HLTF: variants seen among roughly 807,000 people sequenced by gnomAD.
HLTF encodes the protein helicase like transcription factor.
In HLTF, 127 loss-of-function variants were observed where a neutral mutation model predicts 129.4. The ratio of observed to expected loss-of-function variants is 0.98; its 90% CI spans 0.85 to 1.14. The LOEUF is 1.14. HLTF is among the 50% of genes most tolerant of loss of function. HLTF has a pLI of 0.00. For synonymous variants in HLTF, 332 were observed against 388.8 expected (o/e 0.85, Z 1.72); for missense variants, 1,139 against 1,187.1 (o/e 0.96, Z 0.60).
intron 8 of HLTF, among the ~76,000 whole-genome samples, 193 bp downstream of exon 8, chr3:149,068,047 C>T (rs905924448): frequency 1.3e-5 from 2 of 152,086 alleles, no homozygotes; most frequent in African/African-American, 2.4e-5. Context: ...GGCAACAGAG[C>T]CACACCTTGT....
chr3:149,076,743 AAC>A (rs1193507887), intron 2 of HLTF, among the ~76,000 whole-genome samples: 1 of 152,190 alleles, frequency 6.6e-6, no homozygotes, highest in Non-Finnish European at 1.5e-5. Flanking sequence ...GAAGGAGGGT[AAC>A]ACAATAAAGA....
At position 149,071,465 on chromosome 3, in the gene HLTF, G is replaced by A. The variant is rs1576616714; in HGVS notation, c.703-22C>T. 2.5e-6 allele frequency: 4 copies of A among 1,579,048 alleles called. No individual in the cohort carries two copies. The East Asian group carries it at 9.0e-5, about 35-fold the overall frequency. ...TAGCCTATAAATAAAAAGTCATAAA[G>A]CGAAATACATTAAGCCATTCCTTTT... On this transcript the variant is annotated intron_variant, in intron 6 of 24. Transcript: ENST00000310053.
At chr3:149,066,486 C>CTACTTATG (rs1211564714) in intron 8 of HLTF, among the ~76,000 whole-genome samples, 2 of 150,788 alleles carry the variant, frequency 1.3e-5, no homozygotes, top group Non-Finnish European at 2.9e-5. Flanking sequence ...ATATTTCAGT[C>CTACTTATG]TACTTATGTT....
At position 149,071,467 on chromosome 3, in the gene HLTF, G is replaced by A. The variant is rs140156548; in HGVS notation, c.703-24C>T. 5,976 of 1,570,924 alleles carry A rather than the reference G, an allele frequency of 3.8e-3. 28 individuals carry two copies. The highest frequency in any genetic ancestry group is 4.6e-3 in the African/African-American group (341 of 73,626). ...GCCTATAAATAAAAAGTCATAAAGC[G>A]AAATACATTAAGCCATTCCTTTTTC... On this transcript the variant is annotated intron_variant, in intron 6 of 24. Coordinates refer to ENST00000310053, the MANE Select transcript of HLTF (RefSeq NM_003071.4).
rs1462916228 is a variant in HLTF, at chr3:149,032,442, AAATG to A, written c.2878-74_2878-71del. ...ATTTAAAATCTTTATTAAAAAAACTAAATGAAAGATTTGCCTAATGGCAAAAACC... is the reference window on the plus strand; with the variant it reads ...ATTTAAAATCTTTATTAAAAAAACTAAAAGATTTGCCTAATGGCAAAAACC... On this transcript the variant is annotated intron_variant, in intron 24 of 24. Coordinates refer to ENST00000310053, the MANE Select transcript of HLTF (RefSeq NM_003071.4). 7 of 1,010,896 alleles carry A rather than the reference AAATG, an allele frequency of 6.9e-6. No homozygotes were observed. In the Admixed American group the frequency reaches 1.8e-4, roughly 26 times the overall value. The allele number at this position is 1,010,896 out of a possible 1,614,324, so 62.6% of individuals were successfully genotyped here.
chr3:149,085,289 G>C (rs183254213), intron 1 of HLTF, among the ~76,000 whole-genome samples: 1 of 152,308 alleles, frequency 6.6e-6, no homozygotes, highest in Admixed American at 6.5e-5. Context: ...TCAGGAATTT[G>C]AGACCAACCT....
At chr3:149,040,435 TA>T (rs3836276) in intron 20 of HLTF, among the ~76,000 whole-genome samples, 49 of 149,962 alleles carry the variant, frequency 3.3e-4, no homozygotes, top group Admixed American at 2.7e-4. Flanking sequence ...TAAGCAAGTT[TA>T]AAAAAAAAAT....
chr3:149,058,634 G>A (rs895450599), intron 13 of HLTF, among the ~76,000 whole-genome samples: 2 of 152,082 alleles, frequency 1.3e-5, no homozygotes, highest in African/African-American at 4.8e-5. Context: ...TTAAAATGTA[G>A]TGGCATTTAA....
rs531080539 is a variant in HLTF at position 149,052,570 on chromosome 3, T to C, written c.1474-2195A>G. Among the ~76,000 whole-genome samples, 13 of 152,314 alleles carry C rather than the reference T, an allele frequency of 8.5e-5. No individual in the cohort carries two copies. The South Asian group carries it at 1.5e-3, about 17-fold the overall frequency. On this transcript the variant is annotated intron_variant, in intron 14 of 24. Transcript: ENST00000310053. ...GGGGAGCTCATTGTACATGGCAATA[T>C]TGAAGTCTGAAGATCTCTGCAAAGG...
At chr3:149,071,480 C>A (rs1347809451) in intron 6 of HLTF, 37 bp from the exon 7 acceptor site, 1 of 1,542,380 alleles carries the variant, frequency 6.5e-7, no homozygotes, top group African/African-American at 1.4e-5. Context: ...ATACATTAAG[C>A]CATTCCTTTT....
chr3:149,031,018 C>T lies in HLTF; in HGVS notation c.*1202G>A, dbSNP rs1714976875. On this transcript the variant is annotated 3_prime_UTR_variant, in exon 25 of 25. Coordinates refer to ENST00000310053, the MANE Select transcript of HLTF (RefSeq NM_003071.4). ...TCTCTTGTTTGTTAGAGTAATTAAT[C>T]TTTCTTTGGATTAAAGTTTCCCTTT... The T allele has an allele frequency of 6.6e-6, 1 of 152,126 alleles. No homozygotes were observed. The highest frequency in any genetic ancestry group is 2.4e-5 in the African/African-American group (1 of 41,426). 9.4% of individuals were successfully genotyped at this position (152,126 alleles called of 1,614,324 possible).
At chr3:149,037,663 ATATCTCAGTAGTATTCCTACATG>A (rs1167549003) in intron 23 of HLTF, among the ~76,000 whole-genome samples, 1 of 152,178 alleles carries the variant, frequency 6.6e-6, no homozygotes, top group African/African-American at 2.4e-5. Flanking sequence ...ACTAAAATTT[ATATCTCAGTAGTATTCCTACATG>A]TATCTCAGTA....
At chr3:149,050,481 C>T in intron 14 of HLTF, 106 bp from the exon 15 acceptor site, 1 of 629,600 alleles carries the variant, frequency 1.6e-6, no homozygotes, top group Non-Finnish European at 2.6e-6. Flanking sequence ...AATCCAACTA[C>T]TAAAATTGTA....
intron 4 of HLTF, among the ~76,000 whole-genome samples, chr3:149,073,814 A>G: frequency 6.6e-6 from 1 of 152,222 alleles, no homozygotes. Context: ...GTAATTCCAC[A>G]TTATTTGAAC....
At chr3:149,052,017 G>A (rs1431449722) in intron 14 of HLTF, 1 of 152,124 alleles carries the variant, frequency 6.6e-6, no homozygotes, top group Non-Finnish European at 1.5e-5. Context: ...AGCCGGGCAT[G>A]GTGGCATGTG....
intron 13 of HLTF, among the ~76,000 whole-genome samples, chr3:149,057,388 T>A (rs1474608114): frequency 2.0e-5 from 3 of 152,142 alleles, no homozygotes; most frequent in South Asian, 2.1e-4. Context: ...ATCGCACCAC[T>A]GCACTCTAGC....
chr3:149,053,656 C>T (rs183258999), intron 14 of HLTF, among the ~76,000 whole-genome samples: 40 of 152,324 alleles, frequency 2.6e-4, no homozygotes, highest in African/African-American at 9.6e-4. Flanking sequence ...CAAACCACCT[C>T]TCATTCCTTT....
intron 13 of HLTF, among the ~76,000 whole-genome samples, chr3:149,058,922 T>C (rs1431240714): frequency 6.6e-6 from 1 of 152,218 alleles, no homozygotes. Flanking sequence ...TTCTTTAAAT[T>C]TCTAAAATTA....
intron 14 of HLTF, among the ~76,000 whole-genome samples, chr3:149,053,286 T>C (rs975243358): frequency 6.6e-6 from 1 of 152,204 alleles, no homozygotes; most frequent in Non-Finnish European, 1.5e-5. Context: ...GGAAGGTGTA[T>C]GGCTCATAGC....
Sources: gnomAD v4.1 joint callset for allele counts (sites outside exome capture counted in the v4.1 genomes callset) on GRCh38, gnomAD v4.1.1 for gene constraint, MANE v1.5 for transcripts, NCBI Gene and HGNC (gene_info 2026-07-23, HGNC 2026-07-21) for gene names.